MRPL47: variants seen among roughly 807,000 people sequenced by gnomAD.
The protein encoded by MRPL47 is mitochondrial ribosomal protein L47, also known as large ribosomal subunit protein uL29m.
Under a neutral mutation model 34.0 loss-of-function variants are expected in MRPL47, and 31 were observed. The observed-to-expected ratio is 0.91, with a 90% CI of 0.68 to 1.23. The LOEUF (loss-of-function observed/expected upper bound fraction) is 1.23. MRPL47 is among the 50% of genes most tolerant of loss of function. The pLI is 0.00. For missense variants in MRPL47, 328 were observed against 285.8 expected, an observed-to-expected ratio of 1.15 and a Z score of -1.07; for synonymous variants, 106 against 101.6, an observed-to-expected ratio of 1.04 and a Z score of -0.26.
At position 179,588,989 on chromosome 3, in the gene MRPL47, T is replaced by G; in HGVS notation, c.636A>C (p.Glu212Asp). Residue 212 changes from glutamate to aspartate, a missense_variant, in exon 7 of 7, where the codon GAA becomes GAC. Transcript: ENST00000476781. ...CTTTGATGCGGGCTCGTTTCTCACGTTCCAGTCTAGAATAAAAAAAGCGTA... is the reference window on the plus strand; with the variant it reads ...CTTTGATGCGGGCTCGTTTCTCACGGTCCAGTCTAGAATAAAAAAAGCGTA... ...LPYVDHFLRLEREKRARIKAR... is the reference protein window; with the variant it reads ...LPYVDHFLRLDREKRARIKAR... 6.2e-7 allele frequency: 1 copy of G among 1,607,038 alleles called. No individual in the cohort carries two copies. The highest frequency in any genetic ancestry group is 8.5e-7 in the Non-Finnish European group (1 of 1,178,002).
chr3:179,597,757 G>A lies in MRPL47; in HGVS notation c.402+918C>T, dbSNP rs988508370. ...CGGGAGGTGGAGGTTGCAGCAAGCC[G>A]AGACTGTGCTATTGCACTCCAGCCT... On this transcript the variant is annotated intron_variant, in intron 4 of 6. Transcript: ENST00000476781. Among the ~76,000 whole-genome samples, 11 of 151,950 alleles carry A rather than the reference G, an allele frequency of 7.2e-5. No individual in the cohort carries two copies. In the East Asian group the frequency reaches 1.2e-3, roughly 16 times the overall value.
intron 4 of MRPL47, among the ~76,000 whole-genome samples, chr3:179,595,188 G>A (rs1370494494): frequency 1.3e-5 from 2 of 152,140 alleles, no homozygotes; most frequent in East Asian, 3.9e-4. Flanking sequence ...TGGGACTACA[G>A]GCATGCACCA....
chr3:179,604,415 C>A (rs1719009236), intron 1 of MRPL47, 112 bp downstream of exon 1: 1 of 1,015,906 alleles, frequency 9.8e-7, no homozygotes, highest in East Asian at 2.5e-5. Context: ...TCCGGCTCTG[C>A]CATCCAGGCG....
Position 179,593,911 on chromosome 3 carries a change from A to G in MRPL47, c.403-16T>C. 6.2e-7 allele frequency: 1 copy of G among 1,602,272 alleles called. No individual in the cohort carries two copies. The highest frequency in any genetic ancestry group is 8.5e-7 in the Non-Finnish European group (1 of 1,175,330). ...AATCTACTACCTGAAAAGAGAATAG[A>G]AAGATACAATTTCAACAATCATCTA... is the stretch of plus-strand genomic sequence containing the variant. On this transcript the variant is annotated splice_polypyrimidine_tract_variant and intron_variant, in intron 4 of 6. Coordinates refer to ENST00000476781, the MANE Select transcript of MRPL47 (RefSeq NM_020409.3).
In MRPL47 at chr3:179,603,108, A is replaced by C. The variant is rs368343370; in HGVS notation, c.99-311T>G. Among the ~76,000 whole-genome samples, 13 of 152,220 alleles carry C rather than the reference A, an allele frequency of 8.5e-5. No individual in the cohort carries two copies. The East Asian group carries it at 1.5e-3, about 18-fold the overall frequency. On this transcript the variant is annotated intron_variant, in intron 1 of 6. Transcript: ENST00000476781. Reference sequence around the variant, plus strand: ...TGAAAATGCTTTAGAAAGTATTGTTAATACTGCATTATAGAAGCTGCTACC... The same window carrying C: ...TGAAAATGCTTTAGAAAGTATTGTTCATACTGCATTATAGAAGCTGCTACC...
intron 1 of MRPL47, 99 bp from the exon 2 acceptor site, chr3:179,602,896 T>C (rs1560021137): frequency 9.8e-7 from 1 of 1,019,512 alleles, no homozygotes; most frequent in Non-Finnish European, 1.4e-6. Context: ...TTGTCATCGA[T>C]AACATTTTAA....
At position 179,589,648 on chromosome 3, in the gene MRPL47, G is replaced by A. The variant is rs941453546; in HGVS notation, c.630-653C>T. 4.6e-5 allele frequency among the ~76,000 whole-genome samples: 7 copies of A among 152,134 alleles called. No homozygotes were observed. In the East Asian group the frequency reaches 1.3e-3, roughly 29 times the overall value. On this transcript the variant is annotated intron_variant, in intron 6 of 6. Transcript: ENST00000476781. ...TTATATAAAATACAGCAATAAAGAT[G>A]TACTGCTGAAGTTATTACAAATGAG...
chr3:179,604,230 C>G (rs1192533854), intron 1 of MRPL47, among the ~76,000 whole-genome samples: 1 of 152,144 alleles, frequency 6.6e-6, no homozygotes, highest in African/African-American at 2.4e-5. Flanking sequence ...CGCACCTCAC[C>G]CAGCCCAAGA....
chr3:179,591,827 ATTTC>A lies in MRPL47; in HGVS notation c.629+813_629+816del, dbSNP rs545533444. Among the ~76,000 whole-genome samples, 754 of 151,938 alleles carry A rather than the reference ATTTC, an allele frequency of 5.0e-3. 5 individuals carry two copies. Among genetic ancestry groups the A allele is most frequent in the African/African-American group, 0.017 (725 of 41,448 alleles). ...ACATACTACAATGTTAACAGTGGCT[ATTTC>A]TTTTTTTTTTCTGTTTTTTGAGATG... On this transcript the variant is annotated intron_variant, in intron 6 of 6. Transcript: ENST00000476781.
chr3:179,594,771 ACCGCACC>A (rs1284673159), intron 4 of MRPL47, among the ~76,000 whole-genome samples: 1 of 152,124 alleles, frequency 6.6e-6, no homozygotes, highest in African/African-American at 2.4e-5. Context: ...GGCATGAGCA[ACCGCACC>A]CGGCCTTCTA....
At chr3:179,594,241 A>G (rs892824146) in intron 4 of MRPL47, among the ~76,000 whole-genome samples, 2 of 152,162 alleles carry the variant, frequency 1.3e-5, no homozygotes, top group Admixed American at 1.3e-4. Flanking sequence ...ATAATTTGCT[A>G]TTTTCATTAT....
At chr3:179,598,075 G>GCAATTTCACTC (rs1407159904) in intron 4 of MRPL47, among the ~76,000 whole-genome samples, 2 of 152,104 alleles carry the variant, frequency 1.3e-5, no homozygotes, top group African/African-American at 4.8e-5. Context: ...ATATAAGCCA[G>GCAATTTCACTC]CAATTTCACT....
chr3:179,598,882 G>A (rs1273707908), intron 3 of MRPL47, 111 bp from the exon 4 acceptor site: 3 of 738,646 alleles, frequency 4.1e-6, no homozygotes, highest in African/African-American at 3.5e-5. Flanking sequence ...TTAGAGGCGA[G>A]GTGCTGTGGC....
intron 3 of MRPL47, among the ~76,000 whole-genome samples, chr3:179,599,188 T>A (rs1319453146): frequency 6.6e-6 from 1 of 151,454 alleles, no homozygotes; most frequent in Non-Finnish European, 1.5e-5. Flanking sequence ...AAAAGACATA[T>A]TAGAAATCTC....
chr3:179,597,734 G>C (rs1180745653), intron 4 of MRPL47, among the ~76,000 whole-genome samples: 2 of 152,156 alleles, frequency 1.3e-5, no homozygotes, highest in African/African-American at 4.8e-5. Flanking sequence ...TTTGAACCCG[G>C]GAGGTGGAGG....
chr3:179,594,556 C>A (rs1718751890), intron 4 of MRPL47, among the ~76,000 whole-genome samples: 1 of 152,194 alleles, frequency 6.6e-6, no homozygotes. Context: ...GATCTTGGCT[C>A]ATTGCAACCT....
At chr3:179,599,378 T>C (rs1021037717) in intron 3 of MRPL47, among the ~76,000 whole-genome samples, 8 of 152,170 alleles carry the variant, frequency 5.3e-5, no homozygotes, top group Admixed American at 5.2e-4. Context: ...GGAAGATAAA[T>C]AACATTTACT....
rs1465020140 is a variant in MRPL47, at chr3:179,604,635, A to T, written c.-11T>A. 1 of 1,614,034 alleles carries T rather than the reference A, an allele frequency of 6.2e-7. No homozygotes were observed. Among genetic ancestry groups the T allele is most frequent in the African/African-American group, 1.3e-5 (1 of 74,938 alleles). On this transcript the variant is annotated 5_prime_UTR_variant, in exon 1 of 7. Coordinates refer to ENST00000476781, the MANE Select transcript of MRPL47 (RefSeq NM_020409.3). ...ACCGGCCGCAGCCATGTTTTCGCAT[A>T]ACTGGCAAAACGCGTTTCCGCCAAC...
chr3:179,593,810 G>C lies in MRPL47; in HGVS notation c.488C>G (p.Ala163Gly), dbSNP rs1212810749. 6.2e-6 allele frequency: 10 copies of C among 1,613,680 alleles called. No individual in the cohort carries two copies. The South Asian group carries it at 1.1e-4, about 18-fold the overall frequency. ...GTCTCTTCTCCAAGCACCAGGTCTA[G>C]CTCTTTCTTGACCAGTCTGAAGAAG... is the stretch of plus-strand genomic sequence containing the variant. Reference protein sequence around the residue: ...LRLLQTGQERARPGAWRRDIF... With the variant: ...LRLLQTGQERGRPGAWRRDIF... Residue 163 changes from alanine (A) to glycine (G), a missense_variant, in exon 5 of 7, where the codon GCT (alanine) becomes GGT (glycine). Coordinates refer to ENST00000476781, the MANE Select transcript of MRPL47 (RefSeq NM_020409.3).
Sources: gnomAD v4.1 joint callset for allele counts (sites outside exome capture counted in the v4.1 genomes callset) on GRCh38, gnomAD v4.1.1 for gene constraint, MANE v1.5 for transcripts, NCBI Gene and HGNC (gene_info 2026-07-23, HGNC 2026-07-21) for gene names.